The following RC3H1 variants were observed in gnomAD, a reference collection of about 807,000 sequenced individuals.
The protein encoded by RC3H1 is roquin-1.
Under a neutral mutation model 138.2 loss-of-function variants are expected in RC3H1, and 50 were observed. The observed-to-expected ratio is 0.36, with a 90% CI of 0.29 to 0.46. The LOEUF (loss-of-function observed/expected upper bound fraction) is 0.46, where lower values mean the gene tolerates loss of function less well. Ranked by LOEUF, RC3H1 falls within the 20% of genes least tolerant of loss-of-function variation. The pLI is 1.00. For missense variants in RC3H1, 1,031 were observed against 1,388.1 expected (o/e 0.74, Z 4.09); for synonymous variants, 462 against 489.1 (o/e 0.94, Z 0.73).
Position 173,932,432 on chromosome 1 carries a change from G to GT in RC3H1, c.*6288dup, listed in dbSNP as rs1658418901. ...TGGAAAATGTTTAAGTGGGTGAAAG[G>GT]TTTTGTTCATTACCTTAATTCACTT... On this transcript the variant is annotated 3_prime_UTR_variant, in exon 20 of 20. Transcript: ENST00000367696. 6.6e-6 allele frequency: 1 copy of GT among 151,954 alleles called. No individual in the cohort carries two copies. Among genetic ancestry groups the GT allele is most frequent in the Non-Finnish European group, 1.5e-5 (1 of 67,946 alleles). 9.4% of individuals were successfully genotyped at this position (151,954 alleles called of 1,614,324 possible). A position where few individuals can be genotyped will look rare whatever the true frequency, so the allele number is the denominator to read the frequency against.
In RC3H1 at chr1:173,992,753, A is replaced by G. The variant is rs776183562; in HGVS notation, c.231+2T>C. ...TTAAAAGTATTAAGTCACCCATCCTACCTGAGCACCCACGAGCTGCAGCAA... is the reference window on the plus strand; with the variant it reads ...TTAAAAGTATTAAGTCACCCATCCTGCCTGAGCACCCACGAGCTGCAGCAA... On this transcript the variant is annotated splice_donor_variant, in intron 2 of 19. Transcript: ENST00000367696. LOFTEE classifies it high-confidence loss of function. The G allele has an allele frequency of 6.2e-7, 1 of 1,610,000 alleles. No homozygotes were observed. The highest frequency in any genetic ancestry group is 8.5e-7 in the Non-Finnish European group (1 of 1,176,682).
At position 173,933,337 on chromosome 1, in the gene RC3H1, T is replaced by C. The variant is rs1009491178; in HGVS notation, c.*5384A>G. On this transcript the variant is annotated 3_prime_UTR_variant, in exon 20 of 20. Coordinates refer to ENST00000367696, the MANE Select transcript of RC3H1 (RefSeq NM_172071.4). ...TTCAAAGGGCTCTTTACCCACTTTG[T>C]TCAGTGCAGTATTGAAAACATACCT... is the stretch of plus-strand genomic sequence containing the variant. 1 of 152,062 alleles carries C rather than the reference T, an allele frequency of 6.6e-6. No homozygotes were observed. The highest frequency in any genetic ancestry group is 1.5e-5 in the Non-Finnish European group (1 of 67,958). The allele number at this position is 152,062 out of a possible 1,614,324, so 9.4% of individuals were successfully genotyped here.
intron 9 of RC3H1, among the ~76,000 whole-genome samples, chr1:173,967,603 G>A (rs1187497764): frequency 6.6e-6 from 1 of 152,114 alleles, no homozygotes; most frequent in East Asian, 1.9e-4. Context: ...AGTTTCACAG[G>A]ATAATTGGCC....
chr1:173,953,685 C>G (rs995649276), intron 13 of RC3H1, among the ~76,000 whole-genome samples: 7 of 152,068 alleles, frequency 4.6e-5, no homozygotes, highest in African/African-American at 1.7e-4. Context: ...TAGGTAAAAA[C>G]AAAAACAAAG....
intron 7 of RC3H1, among the ~76,000 whole-genome samples, chr1:173,976,838 T>G (rs1261301868): frequency 3.3e-5 from 5 of 152,080 alleles, no homozygotes; most frequent in African/African-American, 7.2e-5. Flanking sequence ...AATGCCATAG[T>G]CAAGAGTGTC....
At chr1:173,989,517 T>C (rs1571228183) in intron 2 of RC3H1, among the ~76,000 whole-genome samples, 3 of 152,138 alleles carry the variant, frequency 2.0e-5, no homozygotes, top group African/African-American at 7.2e-5. Flanking sequence ...AATATAGTTT[T>C]TAATTTTGAT....
rs1490044808 is a variant in RC3H1, at chr1:173,937,606, A to G, written c.*1115T>C. On this transcript the variant is annotated 3_prime_UTR_variant, in exon 20 of 20. Transcript: ENST00000367696. ...AGTTAAGTCTATGAAAAATGACTTC[A>G]AACTATTTCCTACCTACTTATACTA... 1 of 152,240 alleles carries G rather than the reference A, an allele frequency of 6.6e-6. No individual in the cohort carries two copies. Among genetic ancestry groups the G allele is most frequent in the African/African-American group, 2.4e-5 (1 of 41,460 alleles). The allele number at this position is 152,240 out of a possible 1,614,324, so 9.4% of individuals were successfully genotyped here.
chr1:173,973,256 A>C (rs1660440627), intron 7 of RC3H1, among the ~76,000 whole-genome samples: 1 of 152,152 alleles, frequency 6.6e-6, no homozygotes. Flanking sequence ...AAGTTTAATA[A>C]GCCGGGCACA....
chr1:173,991,285 C>T (rs577293173), intron 2 of RC3H1, among the ~76,000 whole-genome samples: 122 of 152,276 alleles, frequency 8.0e-4, no homozygotes, highest in South Asian at 1.9e-3. Context: ...AAGACTTTTG[C>T]TTTTTCAGAC....
chr1:173,941,160 G>C, intron 19 of RC3H1, 105 bp downstream of exon 19: 1 of 733,962 alleles, frequency 1.4e-6, no homozygotes, highest in African/African-American at 1.8e-5. Flanking sequence ...GATATTTTAA[G>C]AATCAAATTA....
intron 9 of RC3H1, among the ~76,000 whole-genome samples, chr1:173,969,883 GTTAAA>G (rs1349438304): frequency 7.2e-5 from 11 of 151,798 alleles, no homozygotes; most frequent in East Asian, 5.8e-4. Flanking sequence ...CATGCAATTA[GTTAAA>G]TTAAGTTAAA....
At chr1:174,010,009 G>C (rs1201578110) in intron 1 of RC3H1, among the ~76,000 whole-genome samples, 1 of 152,090 alleles carries the variant, frequency 6.6e-6, no homozygotes, top group Non-Finnish European at 1.5e-5. Flanking sequence ...TAGGTAATAT[G>C]ATGGTCACTT....
At chr1:174,005,185 G>C (rs978548990) in intron 1 of RC3H1, among the ~76,000 whole-genome samples, 1 of 152,162 alleles carries the variant, frequency 6.6e-6, no homozygotes, top group Non-Finnish European at 1.5e-5. Context: ...TAGCTTGTCT[G>C]AGGACAAGAG....
intron 1 of RC3H1, among the ~76,000 whole-genome samples, chr1:174,004,839 C>T (rs1661625803): frequency 6.6e-6 from 1 of 151,630 alleles, no homozygotes; most frequent in Non-Finnish European, 1.5e-5. Flanking sequence ...TAGGGTCTTA[C>T]CATTCAGAGT....
At chr1:173,999,520 T>C (rs1661526532) in intron 1 of RC3H1, among the ~76,000 whole-genome samples, 1 of 152,228 alleles carries the variant, frequency 6.6e-6, no homozygotes, top group East Asian at 1.9e-4. Flanking sequence ...TAAATTCAAA[T>C]GTATGCCTCT....
At chr1:173,994,947 A>G (rs1384574790) in intron 1 of RC3H1, among the ~76,000 whole-genome samples, 1 of 152,174 alleles carries the variant, frequency 6.6e-6, no homozygotes, top group Admixed American at 6.6e-5. Context: ...GTCCACATGG[A>G]GCTTGCACTG....
intron 18 of RC3H1, among the ~76,000 whole-genome samples, chr1:173,942,428 CAAAAAAAAAAAAAA>C (rs60694243): frequency 2.6e-5 from 1 of 38,086 alleles, no homozygotes; most frequent in Non-Finnish European, 4.7e-5. Flanking sequence ...GACTCAGTCT[CAAAAAAAAAAAAAA>C]AAAAAAAAGA....
intron 1 of RC3H1, among the ~76,000 whole-genome samples, chr1:174,001,907 T>C (rs535553553): frequency 6.6e-6 from 1 of 152,356 alleles, no homozygotes; most frequent in South Asian, 2.1e-4. Context: ...ACTAAGGATG[T>C]AATAAAAACT....
intron 14 of RC3H1, among the ~76,000 whole-genome samples, chr1:173,951,615 A>C (rs1466841079): frequency 6.6e-6 from 1 of 152,096 alleles, no homozygotes; most frequent in Non-Finnish European, 1.5e-5. Flanking sequence ...ATCTTGGCTC[A>C]CTGCACGCTC....
Sources: allele counts gnomAD v4.1 joint callset (sites outside exome capture counted in the v4.1 genomes callset), GRCh38; gene constraint gnomAD v4.1.1; transcripts MANE v1.5; gene names NCBI Gene and HGNC (gene_info 2026-07-23, HGNC 2026-07-21).